Variants in GPBP1L1 observed in about 807,000 individuals in gnomAD.
GPBP1L1 encodes the protein GC-rich promoter binding protein 1 like 1.
GPBP1L1 carries 23 observed loss-of-function variants against 52.5 expected under a neutral mutation model. The observed-to-expected ratio is 0.44, with a 90% confidence interval of 0.32 to 0.62. GPBP1L1 has a LOEUF of 0.62. Among genes scored for constraint, GPBP1L1 ranks in the 20% least tolerant of loss-of-function variants. The probability of loss-of-function intolerance (pLI) is 0.06; values close to 1 mark genes in which losing one functional copy is unlikely to be tolerated. For missense variants in GPBP1L1, 596 were observed against 579.3 expected, an observed-to-expected ratio of 1.03 and a Z score of -0.30; for synonymous variants, 243 against 203.1, an observed-to-expected ratio of 1.20 and a Z score of -1.67.
intron 2 of GPBP1L1, among the ~76,000 whole-genome samples, chr1:45,675,319 A>G (rs775146457): frequency 6.6e-6 from 1 of 151,962 alleles, no homozygotes; most frequent in Non-Finnish European, 1.5e-5. Flanking sequence ...ATAAATAAAT[A>G]AAAATAAAAA....
intron 10 of GPBP1L1, 115 bp from the exon 11 acceptor site, chr1:45,630,721 A>C: frequency 1.7e-6 from 2 of 1,182,584 alleles, no homozygotes; most frequent in Non-Finnish European, 2.3e-6. Context: ...AGACAGCCTC[A>C]GCCCACAGAT....
intron 6 of GPBP1L1, chr1:45,651,912 G>C (rs1454855224): frequency 5.6e-6 from 1 of 177,560 alleles, no homozygotes; most frequent in Non-Finnish European, 1.2e-5. Flanking sequence ...TTTAAGTTTA[G>C]TCTCCAAAAC....
At chr1:45,629,770 A>T in intron 11 of GPBP1L1, 92 bp from the exon 12 acceptor site, 1 of 822,880 alleles carries the variant, frequency 1.2e-6, no homozygotes, top group Non-Finnish European at 2.1e-6. Context: ...TTTTCTGCCC[A>T]GGGGCAATGG....
chr1:45,648,054 C>T (rs980993507), intron 6 of GPBP1L1, among the ~76,000 whole-genome samples: 2 of 152,150 alleles, frequency 1.3e-5, no homozygotes, highest in African/African-American at 4.8e-5. Flanking sequence ...AATCCTCCCA[C>T]CTCAGCCCCC....
intron 7 of GPBP1L1, among the ~76,000 whole-genome samples, chr1:45,640,916 GC>G (rs1644663360): frequency 6.6e-6 from 1 of 152,156 alleles, no homozygotes; most frequent in Non-Finnish European, 1.5e-5. Context: ...TACTTAGGAG[GC>G]TGAGGCGGGA....
intron 7 of GPBP1L1, chr1:45,641,593 CG>C (rs1644674606): frequency 6.6e-6 from 1 of 151,420 alleles, no homozygotes; most frequent in Admixed American, 6.6e-5. Context: ...CCGAGGCAGG[CG>C]GATGATGAGG....
At chr1:45,645,025 TA>T (rs765186456) in intron 6 of GPBP1L1, among the ~76,000 whole-genome samples, 1 of 152,220 alleles carries the variant, frequency 6.6e-6, no homozygotes, top group Non-Finnish European at 1.5e-5. Context: ...TCGTTATTAT[TA>T]TTAATTGATG....
At chr1:45,654,346 T>C (rs1644856851) in intron 6 of GPBP1L1, 197 bp downstream of exon 6, 2 of 456,008 alleles carry the variant, frequency 4.4e-6, no homozygotes, top group South Asian at 4.9e-5. Context: ...ATGAAAAATT[T>C]GCTACAAGTT....
intron 12 of GPBP1L1, 105 bp downstream of exon 12, chr1:45,629,471 C>CA (rs374105264): frequency 3.7e-4 from 54 of 144,270 alleles, no homozygotes; most frequent in South Asian, 1.3e-3. Flanking sequence ...CCCCCCCACC[C>CA]GATCTTTCTC....
rs1295958669 is a variant in GPBP1L1, at chr1:45,661,088, C to G, written c.-960G>C. The G allele has an allele frequency of 2.6e-4, 39 of 152,168 alleles. No homozygotes were observed. Among genetic ancestry groups the G allele is most frequent in the Admixed American group, 2.6e-3 (39 of 15,274 alleles). 9.4% of individuals were successfully genotyped at this position (152,168 alleles called of 1,614,324 possible). A position where few individuals can be genotyped will look rare whatever the true frequency, so the allele number is the denominator to read the frequency against. Reference sequence around the variant, plus strand: ...AGTTTTCTGTGTTTCACTTGTTCTGCTCCTTCCCAAAATCTAAATTGAGCC... The same window carrying G: ...AGTTTTCTGTGTTTCACTTGTTCTGGTCCTTCCCAAAATCTAAATTGAGCC... On this transcript the variant is annotated 5_prime_UTR_variant, in exon 3 of 13. Transcript: ENST00000355105.
chr1:45,635,828 T>G (rs1557696026), intron 8 of GPBP1L1: 1 of 152,216 alleles, frequency 6.6e-6, no homozygotes, highest in Non-Finnish European at 1.5e-5. Context: ...CCACCTCCTC[T>G]GCCGTTTGCC....
intron 2 of GPBP1L1, among the ~76,000 whole-genome samples, chr1:45,672,278 C>T (rs1488325581): frequency 6.6e-6 from 1 of 150,734 alleles, no homozygotes; most frequent in Non-Finnish European, 1.5e-5. Flanking sequence ...AGGAGAATCA[C>T]TTGAATCCGG....
chr1:45,654,181 T>A, intron 6 of GPBP1L1: 1 of 174,316 alleles, frequency 5.7e-6, no homozygotes. Flanking sequence ...TAATTTTATG[T>A]GATAGAGAAC....
At chr1:45,668,984 C>T in intron 2 of GPBP1L1, among the ~76,000 whole-genome samples, 1 of 152,092 alleles carries the variant, frequency 6.6e-6, no homozygotes, top group Admixed American at 6.6e-5. Flanking sequence ...AAATTAAAAG[C>T]TTCACTTAAT....
Position 45,640,197 on chromosome 1 carries a change from T to C in GPBP1L1, c.744+13A>G, listed in dbSNP as rs762013321. 3 of 1,604,490 alleles carry C rather than the reference T, an allele frequency of 1.9e-6. No homozygotes were observed. The highest frequency in any genetic ancestry group is 2.6e-6 in the Non-Finnish European group (3 of 1,171,882). On this transcript the variant is annotated intron_variant, in intron 8 of 12. Transcript: ENST00000355105. ...CTCTTGTATAAGGTTCTTGCCCTGA[T>C]TCTAAATCATACCTTGGAAGGAGGT...
intron 6 of GPBP1L1, among the ~76,000 whole-genome samples, chr1:45,653,750 G>C (rs1049702309): frequency 2.0e-5 from 3 of 147,726 alleles, no homozygotes; most frequent in African/African-American, 7.6e-5. Context: ...CCAGACTGGA[G>C]TGTAATGGCG....
At chr1:45,671,083 C>T (rs11211159) in intron 2 of GPBP1L1, among the ~76,000 whole-genome samples, 43,524 of 151,832 alleles carry the variant, frequency 0.29, 6,370 homozygotes, top group East Asian at 0.37. Context: ...CGTGAGCCAC[C>T]GCGCCCGGAC....
intron 3 of GPBP1L1, 149 bp from the exon 4 acceptor site, chr1:45,659,291 GAGAAGTTCTAA>G: frequency 5.6e-6 from 3 of 537,682 alleles, no homozygotes; most frequent in Non-Finnish European, 6.5e-6. Context: ...TTATAACTCA[GAGAAGTTCTAA>G]ATAAAAGCAA....
chr1:45,643,457 A>C (rs1644700148), intron 6 of GPBP1L1, among the ~76,000 whole-genome samples: 1 of 152,142 alleles, frequency 6.6e-6, no homozygotes, highest in Non-Finnish European at 1.5e-5. Flanking sequence ...GATGGATCTG[A>C]GGTATTTAAA....
Sources: gnomAD v4.1 joint callset for allele counts (sites outside exome capture counted in the v4.1 genomes callset) on GRCh38, gnomAD v4.1.1 for gene constraint, MANE v1.5 for transcripts, NCBI Gene and HGNC (gene_info 2026-07-23, HGNC 2026-07-21) for gene names.